The following CORO2B variants were observed in gnomAD, a reference collection of about 807,000 sequenced individuals.
The protein encoded by CORO2B is coronin-2B.
A neutral mutation model predicts 58.8 loss-of-function variants in CORO2B; 26 were observed. The observed-to-expected ratio is 0.44, with a 90% confidence interval of 0.32 to 0.61. CORO2B has a LOEUF of 0.61. Among genes scored for constraint, CORO2B ranks in the 20% least tolerant of loss-of-function variants. CORO2B has a pLI of 0.04. For synonymous variants in CORO2B, 242 were observed against 253.8 expected (o/e 0.95, Z 0.44); for missense variants, 460 against 645.1 (o/e 0.71, Z 3.11).
At chr15:68,706,489 TTAA>T (rs960578983) in intron 3 of CORO2B, among the ~76,000 whole-genome samples, 11 of 151,840 alleles carry the variant, frequency 7.2e-5, no homozygotes, top group African/African-American at 2.7e-4. Flanking sequence ...GTTAGTGGAG[TTAA>T]TGAGGCTCAA....
chr15:68,584,473 G>A (rs1232828200), intron 1 of CORO2B, among the ~76,000 whole-genome samples: 1 of 152,204 alleles, frequency 6.6e-6, no homozygotes, highest in South Asian at 2.1e-4. Flanking sequence ...GGCTGGTTGG[G>A]AGTGTGGGCG....
intron 1 of CORO2B, among the ~76,000 whole-genome samples, chr15:68,611,821 G>A (rs1006331373): frequency 2.1e-4 from 32 of 150,750 alleles, no homozygotes; most frequent in African/African-American, 7.8e-4. Context: ...ACCCAGGCTG[G>A]TGTGCAGTGG....
chr15:68,647,048 C>T (rs76781197), intron 2 of CORO2B, among the ~76,000 whole-genome samples: 32 of 152,278 alleles, frequency 2.1e-4, no homozygotes, highest in African/African-American at 5.8e-4. Context: ...ACTTTAGGCT[C>T]ACAAGGGTCA....
the CORO2B span, among the ~76,000 whole-genome samples, chr15:68,532,916 T>C: frequency 6.6e-6 from 1 of 152,266 alleles, no homozygotes; most frequent in East Asian, 1.9e-4. Flanking sequence ...GTATGAACTC[T>C]GGGAACTATT....
the CORO2B span, among the ~76,000 whole-genome samples, chr15:68,557,172 G>A: frequency 6.6e-6 from 1 of 152,202 alleles, no homozygotes; most frequent in Non-Finnish European, 1.5e-5. Context: ...ACCCTGCCCT[G>A]CCTGCACTTT....
the CORO2B span, among the ~76,000 whole-genome samples, chr15:68,556,890 G>A: frequency 6.6e-6 from 1 of 152,114 alleles, no homozygotes. Context: ...TCCCTTCCTA[G>A]TGAGGAGGGG....
chr15:68,695,400 G>A (rs1323908525), intron 3 of CORO2B, 144 bp downstream of exon 3: 13 of 649,030 alleles, frequency 2.0e-5, no homozygotes, highest in South Asian at 3.6e-5. Flanking sequence ...CCCACGATGT[G>A]GGGGGGATGG....
chr15:68,555,643 G>A, the CORO2B span, among the ~76,000 whole-genome samples: 4 of 152,360 alleles, frequency 2.6e-5, no homozygotes, highest in East Asian at 3.9e-4. Context: ...GGAGATTTCC[G>A]TTTCTGCATC....
intron 2 of CORO2B, among the ~76,000 whole-genome samples, chr15:68,689,884 CT>C (rs1194285592): frequency 6.6e-6 from 1 of 152,176 alleles, no homozygotes; most frequent in Non-Finnish European, 1.5e-5. Context: ...AAGTGATGTG[CT>C]GGGGTTGGCT....
intron 2 of CORO2B, among the ~76,000 whole-genome samples, chr15:68,656,497 A>G (rs1901811774): frequency 6.6e-6 from 1 of 152,110 alleles, no homozygotes; most frequent in African/African-American, 2.4e-5. Flanking sequence ...AGGGCAAGAC[A>G]CTTGGTCAAG....
the CORO2B span, among the ~76,000 whole-genome samples, chr15:68,529,476 T>C: frequency 9.9e-5 from 15 of 152,208 alleles, no homozygotes; most frequent in African/African-American, 3.6e-4. Context: ...CCTTTATCAA[T>C]TGGCCATTTC....
intron 2 of CORO2B, among the ~76,000 whole-genome samples, chr15:68,688,033 G>A (rs1170596991): frequency 6.6e-6 from 1 of 152,214 alleles, no homozygotes. Context: ...GGTAACAAGG[G>A]TGTAGAGAAA....
intron 1 of CORO2B, among the ~76,000 whole-genome samples, chr15:68,642,908 C>T (rs907908427): frequency 3.3e-5 from 5 of 152,206 alleles, no homozygotes; most frequent in African/African-American, 1.2e-4. Flanking sequence ...CACCTCCTTT[C>T]TCGTCTGTGG....
chr15:68,534,731 A>G, the CORO2B span, among the ~76,000 whole-genome samples: 1 of 152,220 alleles, frequency 6.6e-6, no homozygotes, highest in African/African-American at 2.4e-5. Context: ...TAGCTGTACT[A>G]GTCCATTTTC....
Position 68,695,175 on chromosome 15 carries a change from C to T in CORO2B, c.252C>T (p.Cys84=), listed in dbSNP as rs775653466. Residue 84 remains cysteine (C), a synonymous_variant, in exon 3 of 12, where the codon TGC becomes TGT. Transcript: ENST00000261861. ...TTGAACCCAACTACCCCAAGGTCTG[C>T]GGCCACCAGGGCAATGTGCTGGATA... ...GRIEPNYPKV[C]GHQGNVLDIK... 5 of 1,613,742 alleles carry T rather than the reference C, an allele frequency of 3.1e-6. No individual in the cohort carries two copies. In the South Asian group the frequency reaches 3.3e-5, roughly 11 times the overall value.
the CORO2B span, among the ~76,000 whole-genome samples, chr15:68,524,710 T>C: frequency 6.6e-6 from 1 of 152,220 alleles, no homozygotes; most frequent in Non-Finnish European, 1.5e-5. Context: ...ATTTAGCTCT[T>C]CCAGCTCAAA....
At chr15:68,689,285 C>G (rs574922055) in intron 2 of CORO2B, among the ~76,000 whole-genome samples, 1 of 151,992 alleles carries the variant, frequency 6.6e-6, no homozygotes, top group South Asian at 2.1e-4. Context: ...CTGAAGTTCT[C>G]TGAGGTTCTC....
intron 2 of CORO2B, among the ~76,000 whole-genome samples, chr15:68,693,992 T>A (rs1892449205): frequency 6.6e-6 from 1 of 152,174 alleles, no homozygotes. Context: ...TGTGTCACCA[T>A]GCCTGCTTAA....
Position 68,678,364 on chromosome 15 carries a change from C to T in CORO2B, c.217-16776C>T, listed in dbSNP as rs1466259091. Among the ~76,000 whole-genome samples the T allele has an allele frequency of 2.0e-5, 3 of 152,158 alleles. No homozygotes were observed. In the East Asian group the frequency reaches 5.8e-4, roughly 29 times the overall value. On this transcript the variant is annotated intron_variant, in intron 2 of 11. Transcript: ENST00000261861. Reference sequence around the variant, plus strand: ...ACACTGAGCCCCCAGAAGGGTGCCCCAGGCCTGTCGGGCAATAACAGAGAA... The same window carrying T: ...ACACTGAGCCCCCAGAAGGGTGCCCTAGGCCTGTCGGGCAATAACAGAGAA...
Sources: gnomAD v4.1 joint callset for allele counts (sites outside exome capture counted in the v4.1 genomes callset) on GRCh38, gnomAD v4.1.1 for gene constraint, MANE v1.5 for transcripts, NCBI Gene and HGNC (gene_info 2026-07-23, HGNC 2026-07-21) for gene names.